PPARGC1A: variants seen among roughly 807,000 people sequenced by gnomAD.
PPARGC1A encodes PPARG coactivator 1 alpha, also known as peroxisome proliferator-activated receptor gamma coactivator 1-alpha.
In PPARGC1A, 25 loss-of-function variants were observed where a neutral mutation model predicts 88.7. The ratio of observed to expected loss-of-function variants is 0.28; its 90% confidence interval spans 0.21 to 0.39. The LOEUF is 0.39. Among genes scored for constraint, PPARGC1A ranks in the 10% least tolerant of loss-of-function variants. The pLI, the probability that PPARGC1A is intolerant of heterozygous loss-of-function variation, is 1.00. For synonymous variants in PPARGC1A, 363 were observed against 355.6 expected, an observed-to-expected ratio of 1.02 and a Z score of -0.24; for missense variants, 880 against 968.7, an observed-to-expected ratio of 0.91 and a Z score of 1.22.
the PPARGC1A span, among the ~76,000 whole-genome samples, chr4:24,429,172 C>T: frequency 1.3e-5 from 2 of 152,092 alleles, no homozygotes; most frequent in East Asian, 3.9e-4. Flanking sequence ...GAGCTGTGTG[C>T]GTGTGTACAC....
chr4:24,163,999 A>C, the PPARGC1A span, among the ~76,000 whole-genome samples: 2 of 152,212 alleles, frequency 1.3e-5, no homozygotes, highest in Non-Finnish European at 2.9e-5. Context: ...ATTTGACCAC[A>C]GGTTGGTTTA....
At chr4:24,165,757 T>C in the PPARGC1A span, among the ~76,000 whole-genome samples, 1 of 152,130 alleles carries the variant, frequency 6.6e-6, no homozygotes, top group African/African-American at 2.4e-5. Context: ...TTGAACTTGA[T>C]CAATAAACGT....
chr4:23,851,945 A>G (rs912359784), intron 2 of PPARGC1A, among the ~76,000 whole-genome samples: 1 of 152,188 alleles, frequency 6.6e-6, no homozygotes, highest in Admixed American at 6.5e-5. Context: ...CAGGAAGTTT[A>G]GGGTATAGCT....
chr4:24,119,453 T>C, the PPARGC1A span, among the ~76,000 whole-genome samples: 1 of 152,190 alleles, frequency 6.6e-6, no homozygotes, highest in Admixed American at 6.5e-5. Context: ...AGGGGGCTTC[T>C]CTGTGGCAAC....
the PPARGC1A span, among the ~76,000 whole-genome samples, chr4:24,230,115 G>T: frequency 6.6e-6 from 1 of 152,030 alleles, no homozygotes; most frequent in Non-Finnish European, 1.5e-5. Flanking sequence ...AACTAGACTG[G>T]GGTTATTACC....
the PPARGC1A span, among the ~76,000 whole-genome samples, chr4:24,391,587 T>C: frequency 6.6e-6 from 1 of 152,302 alleles, no homozygotes; most frequent in South Asian, 2.1e-4. Flanking sequence ...TTCTGCAGTA[T>C]AAAACAAAAT....
At chr4:23,908,775 C>T (rs897527041), upstream of PPARGC1A, among the ~76,000 whole-genome samples, 11 of 152,170 alleles carry the variant, frequency 7.2e-5, no homozygotes, top group African/African-American at 2.2e-4. Flanking sequence ...GGTCCAATAA[C>T]TACCTTAGCT....
chr4:24,434,150 A>C, the PPARGC1A span, among the ~76,000 whole-genome samples: 1 of 152,246 alleles, frequency 6.6e-6, no homozygotes, highest in Non-Finnish European at 1.5e-5. Flanking sequence ...ATTTAAACTA[A>C]TGAGAGATAT....
chr4:23,836,287 CGGG>C (rs1725996116), intron 2 of PPARGC1A, among the ~76,000 whole-genome samples: 1 of 152,168 alleles, frequency 6.6e-6, no homozygotes, highest in Non-Finnish European at 1.5e-5. Context: ...AACAGGCCAA[CGGG>C]CATTTCCACA....
the PPARGC1A span, among the ~76,000 whole-genome samples, chr4:24,355,109 A>G: frequency 4.1e-3 from 626 of 152,296 alleles, 3 homozygotes; most frequent in African/African-American, 0.014. Context: ...TATGTTTGTC[A>G]CGACATTATC....
At chr4:24,201,656 T>G in the PPARGC1A span, among the ~76,000 whole-genome samples, 1 of 152,218 alleles carries the variant, frequency 6.6e-6, no homozygotes, top group Non-Finnish European at 1.5e-5. Context: ...AAGGAACATA[T>G]AAATACATTA....
At chr4:23,889,347 C>G in intron 1 of PPARGC1A, 1 of 985,312 alleles carries the variant, frequency 1.0e-6, no homozygotes, top group Non-Finnish European at 1.2e-6. Flanking sequence ...TTAAAGGAAG[C>G]AGCATCGTTG....
At chr4:24,195,243 A>T in the PPARGC1A span, among the ~76,000 whole-genome samples, 1 of 152,168 alleles carries the variant, frequency 6.6e-6, no homozygotes, top group Non-Finnish European at 1.5e-5. Context: ...TTACCTGTAA[A>T]ATTGAAAGAA....
the PPARGC1A span, among the ~76,000 whole-genome samples, chr4:23,943,722 A>G: frequency 6.6e-6 from 1 of 152,146 alleles, no homozygotes; most frequent in African/African-American, 2.4e-5. Context: ...GCAGTGGAGA[A>G]CCCTGGCACC....
the PPARGC1A span, among the ~76,000 whole-genome samples, chr4:24,335,249 C>A: frequency 6.6e-6 from 1 of 152,102 alleles, no homozygotes; most frequent in Non-Finnish European, 1.5e-5. Flanking sequence ...GTCATTGAGT[C>A]TTTATAATGT....
the PPARGC1A span, among the ~76,000 whole-genome samples, chr4:24,009,244 C>T: frequency 6.6e-6 from 1 of 151,482 alleles, no homozygotes. Context: ...GCACAGGGCC[C>T]CTTCTGTGCG....
chr4:24,082,883 A>G, the PPARGC1A span, among the ~76,000 whole-genome samples: 1 of 152,164 alleles, frequency 6.6e-6, no homozygotes, highest in African/African-American at 2.4e-5. Flanking sequence ...CTGAACATAA[A>G]AGGCAAAGAT....
At chr4:23,857,129 G>A (rs2148690801) in intron 2 of PPARGC1A, among the ~76,000 whole-genome samples, 1 of 151,978 alleles carries the variant, frequency 6.6e-6, no homozygotes, top group South Asian at 2.1e-4. Flanking sequence ...TGTAATTATA[G>A]AAGGTAATGT....
chr4:24,383,508 T>A, the PPARGC1A span, among the ~76,000 whole-genome samples: 1 of 151,998 alleles, frequency 6.6e-6, no homozygotes, highest in African/African-American at 2.4e-5. Context: ...CTAACTAGAA[T>A]AACCAGTTTA....
Sources: allele counts gnomAD v4.1 joint callset (sites outside exome capture counted in the v4.1 genomes callset), GRCh38; gene constraint gnomAD v4.1.1; transcripts MANE v1.5; gene names NCBI Gene and HGNC (gene_info 2026-07-23, HGNC 2026-07-21).